The following RGS9 variants were observed in gnomAD, a reference collection of about 807,000 sequenced individuals.
The protein encoded by RGS9 is regulator of G-protein signalling 9.
In RGS9, 78 loss-of-function variants were observed where a neutral mutation model predicts 102.0. The ratio of observed to expected loss-of-function variants is 0.76; its 90% CI spans 0.64 to 0.92. The LOEUF is 0.92. Among genes scored for constraint, RGS9 ranks in the 40% least tolerant of loss-of-function variants. RGS9 has a pLI of 0.00. For synonymous variants in RGS9, 353 were observed against 318.6 expected (o/e 1.11, Z -1.15); for missense variants, 833 against 866.1 (o/e 0.96, Z 0.48).
chr17:65,151,455 G>A (rs904246031), intron 1 of RGS9, among the ~76,000 whole-genome samples: 1 of 152,152 alleles, frequency 6.6e-6, no homozygotes, highest in Non-Finnish European at 1.5e-5. Flanking sequence ...GATAGTCAGG[G>A]CTGTCCCTGT....
intron 13 of RGS9, among the ~76,000 whole-genome samples, chr17:65,200,746 A>T (rs1175808056): frequency 6.6e-6 from 1 of 152,202 alleles, no homozygotes; most frequent in African/African-American, 2.4e-5. Context: ...GAGACCACTT[A>T]TAGGTGGATT....
intron 9 of RGS9, among the ~76,000 whole-genome samples, chr17:65,181,942 T>C (rs140672341): frequency 1.3e-5 from 2 of 152,328 alleles, no homozygotes; most frequent in South Asian, 2.1e-4. Flanking sequence ...AGAGAATTTA[T>C]GGGACTTGTA....
Position 65,158,314 on chromosome 17 carries a change from G to A in RGS9, c.174G>A (p.Trp58Ter). ...TTTCAGGAAGTGATGTTCTGCAATGGATCGTCCAGCGGCTTTGGATCTCCA... is the reference window on the plus strand; with the variant it reads ...TTTCAGGAAGTGATGTTCTGCAATGAATCGTCCAGCGGCTTTGGATCTCCA... ...HAMTGSDVLQ[W>*]IVQRLWISSL... Residue 58 changes from tryptophan (W) to a stop codon, truncating the protein, a stop_gained, in exon 3 of 19, where the codon TGG becomes TGA. Coordinates refer to ENST00000262406, the MANE Select transcript of RGS9 (RefSeq NM_003835.4). LOFTEE classifies it high-confidence loss of function. 1 of 1,614,194 alleles carries A rather than the reference G, an allele frequency of 6.2e-7. No individual in the cohort carries two copies. The highest frequency in any genetic ancestry group is 8.5e-7 in the Non-Finnish European group (1 of 1,180,036).
intron 17 of RGS9, among the ~76,000 whole-genome samples, chr17:65,220,018 A>G (rs1338889956): frequency 6.6e-6 from 1 of 151,770 alleles, no homozygotes; most frequent in Non-Finnish European, 1.5e-5. Context: ...CATCAACATC[A>G]CCACCACTAC....
chr17:65,192,662 C>T (rs1030890373), intron 11 of RGS9, among the ~76,000 whole-genome samples: 1 of 151,714 alleles, frequency 6.6e-6, no homozygotes, highest in Non-Finnish European at 1.5e-5. Flanking sequence ...TGTTCTGTAG[C>T]ACTGAAGGAT....
chr17:65,138,081 T>TC (rs915851406), intron 1 of RGS9, among the ~76,000 whole-genome samples: 1 of 152,224 alleles, frequency 6.6e-6, no homozygotes, highest in Non-Finnish European at 1.5e-5. Flanking sequence ...TGAGTGTGTC[T>TC]ATCTGTGCAT....
chr17:65,142,649 C>A (rs1045752708), intron 1 of RGS9, among the ~76,000 whole-genome samples: 4 of 147,946 alleles, frequency 2.7e-5, no homozygotes, highest in African/African-American at 1.0e-4. Context: ...GTGGCGAGAT[C>A]TCGGCTAACG....
chr17:65,204,062 G>C, intron 14 of RGS9, 101 bp from the exon 15 acceptor site: 2 of 1,419,284 alleles, frequency 1.4e-6, no homozygotes, highest in Non-Finnish European at 2.0e-6. Flanking sequence ...CCTCACCCTC[G>C]GTAACCGATT....
At chr17:65,210,349 C>T in intron 16 of RGS9, 139 bp from the exon 17 acceptor site, 1 of 1,069,350 alleles carries the variant, frequency 9.4e-7, no homozygotes, top group Non-Finnish European at 1.4e-6. Flanking sequence ...TTGGACCCCA[C>T]TGGAGGTTCA....
At chr17:65,225,624 G>A in intron 18 of RGS9, 138 bp downstream of exon 18, 1 of 1,247,376 alleles carries the variant, frequency 8.0e-7, no homozygotes, top group Non-Finnish European at 1.1e-6. Flanking sequence ...CAGATCCCTT[G>A]GCCACTGGAA....
chr17:65,170,735 T>C (rs1171509861), intron 8 of RGS9, among the ~76,000 whole-genome samples: 1 of 152,182 alleles, frequency 6.6e-6, no homozygotes, highest in African/African-American at 2.4e-5. Context: ...TTTGATGGAC[T>C]CAGAGTGGTC....
intron 17 of RGS9, among the ~76,000 whole-genome samples, chr17:65,224,688 G>T (rs558138098): frequency 1.3e-5 from 2 of 152,256 alleles, no homozygotes; most frequent in Admixed American, 1.3e-4. Flanking sequence ...GGGTGATCGG[G>T]AATGCAGCCT....
At chr17:65,154,675 T>C (rs1910704480) in intron 2 of RGS9, among the ~76,000 whole-genome samples, 1 of 152,154 alleles carries the variant, frequency 6.6e-6, no homozygotes, top group Non-Finnish European at 1.5e-5. Flanking sequence ...AGAGCATCAT[T>C]TGGGGATATT....
chr17:65,170,917 G>A (rs1421721400), intron 8 of RGS9, among the ~76,000 whole-genome samples: 2 of 152,118 alleles, frequency 1.3e-5, no homozygotes, highest in Non-Finnish European at 2.9e-5. Context: ...GGGGTGGAAG[G>A]TAGTGTTTTT....
In RGS9 at chr17:65,210,481, C is replaced by T; in HGVS notation, c.1290-7C>T. On this transcript the variant is annotated splice_region_variant and splice_polypyrimidine_tract_variant and intron_variant, in intron 16 of 18. Transcript: ENST00000262406. The stretch of plus-strand genomic sequence containing the variant: ...TCCTCCAACCACCAATCTGTCCTTC[C>T]TTCCAGCTCCACCCTCCCTTTTATG... 1.2e-6 allele frequency: 2 copies of T among 1,612,982 alleles called. No homozygotes were observed. The highest frequency in any genetic ancestry group is 1.7e-6 in the Non-Finnish European group (2 of 1,179,934).
rs568619180 is a variant in RGS9, at chr17:65,204,091, C to T, written c.1065-72C>T. 1.3e-4 allele frequency: 200 copies of T among 1,582,202 alleles called. 2 individuals carry two copies. The South Asian group carries it at 1.7e-3, about 14-fold the overall frequency. On this transcript the variant is annotated intron_variant, in intron 14 of 18. Transcript: ENST00000262406. ...ACCGATTCGTATCAGTCCTTCCCTCCCAAGCAGCTGTGAGCTATCCATGAA... is the reference window on the plus strand; with the variant it reads ...ACCGATTCGTATCAGTCCTTCCCTCTCAAGCAGCTGTGAGCTATCCATGAA...
chr17:65,174,853 A>C (rs1052960812), intron 8 of RGS9, among the ~76,000 whole-genome samples: 3 of 152,290 alleles, frequency 2.0e-5, no homozygotes, highest in Admixed American at 6.5e-5. Flanking sequence ...GGGAAAAGGC[A>C]CATCTGACAT....
chr17:65,162,866 A>T, intron 6 of RGS9, 147 bp from the exon 7 acceptor site: 1 of 655,006 alleles, frequency 1.5e-6, no homozygotes, highest in Non-Finnish European at 2.8e-6. Context: ...AGTGAACACC[A>T]TGGTAAAACC....
chr17:65,227,148 G>GC, intron 18 of RGS9, 127 bp from the exon 19 acceptor site: 1 of 1,258,532 alleles, frequency 7.9e-7, no homozygotes, highest in South Asian at 1.3e-5. Flanking sequence ...AGCTATACCT[G>GC]CCCCCACCAC....
Sources: gnomAD v4.1 joint callset for allele counts (sites outside exome capture counted in the v4.1 genomes callset) on GRCh38, gnomAD v4.1.1 for gene constraint, MANE v1.5 for transcripts, NCBI Gene and HGNC (gene_info 2026-07-23, HGNC 2026-07-21) for gene names.